Variants in SLC29A4 observed in about 807,000 individuals in gnomAD.
The protein encoded by SLC29A4 is equilibrative nucleoside transporter 4.
A neutral mutation model predicts 43.9 loss-of-function variants in SLC29A4; 36 were observed. The ratio of observed to expected loss-of-function variants is 0.82; its 90% confidence interval spans 0.63 to 1.08. The LOEUF is 1.08. Among genes scored for constraint, SLC29A4 ranks in the 50% least tolerant of loss-of-function variants. The probability of loss-of-function intolerance (pLI) is 0.00; values close to 1 mark genes in which losing one functional copy is unlikely to be tolerated. For missense variants in SLC29A4, 869 were observed against 755.3 expected (o/e 1.15, Z -1.77); for synonymous variants, 491 against 338.0 (o/e 1.45, Z -4.97).
Position 5,297,049 on chromosome 7 carries a change from T to C in SLC29A4, c.733T>C (p.Cys245Arg). The C allele has an allele frequency of 6.2e-7, 1 of 1,607,484 alleles. No individual in the cohort carries two copies. The highest frequency in any genetic ancestry group is 8.5e-7 in the Non-Finnish European group (1 of 1,179,724). ...GGTGTCGGTGGCGCTGGAGCTGCTG[T>C]GTTTCCTGCTGCACCTGTTAGTGCG... ...FLVSVALELL[C>R]FLLHLLVRRS... The change falls in exon 7 of 11, where the codon TGT becomes CGT. Residue 245 changes from cysteine to arginine, a missense_variant. Transcript: ENST00000396872.
chr7:5,299,027 A>G lies in SLC29A4; in HGVS notation c.922A>G (p.Lys308Glu), dbSNP rs751485714. The change falls in exon 8 of 11, where the codon AAG (lysine) becomes GAG (glutamate). Residue 308 changes from lysine (K) to glutamate (E), a missense_variant. By Grantham distance (56) the Lys-to-Glu change is moderately conservative (BLOSUM62 1). Coordinates refer to ENST00000396872, the MANE Select transcript of SLC29A4 (RefSeq NM_153247.4). Reference protein sequence around the residue: ...APALAPNESPKDSPAHEVTGS... With the variant: ...APALAPNESPEDSPAHEVTGS... ...GGCCCTGGCCCCCAACGAGTCCCCAAAGGACAGCCCAGCCCACGAGGTGAC... is the reference window on the plus strand; with the variant it reads ...GGCCCTGGCCCCCAACGAGTCCCCAGAGGACAGCCCAGCCCACGAGGTGAC... 2 of 1,611,708 alleles carry G rather than the reference A, an allele frequency of 1.2e-6. No individual in the cohort carries two copies. Among genetic ancestry groups the G allele is most frequent in the South Asian group, 2.2e-5 (2 of 91,036 alleles).
intron 1 of SLC29A4, among the ~76,000 whole-genome samples, chr7:5,284,874 G>A (rs751586502): frequency 2.6e-5 from 4 of 152,226 alleles, no homozygotes; most frequent in Non-Finnish European, 5.9e-5. Context: ...TGGCCTCCGG[G>A]CAAGGCAGAA....
intron 5 of SLC29A4, among the ~76,000 whole-genome samples, chr7:5,293,048 C>G (rs4720566): frequency 0.41 from 61,721 of 150,830 alleles, 13,278 homozygotes; most frequent in East Asian, 0.71. Context: ...AACATCCTCT[C>G]TAGATTCATA....
rs1009691499 is a variant in SLC29A4 at position 5,303,006 on chromosome 7, C to T, written c.*67C>T. ...GGGGCCCCGAGGCCTGAGGGCCCCT[C>T]CCCTGTCCCCACCTCAGTGCCTGCG... is the stretch of plus-strand genomic sequence containing the variant. On this transcript the variant is annotated 3_prime_UTR_variant, in exon 11 of 11. Coordinates refer to ENST00000396872, the MANE Select transcript of SLC29A4 (RefSeq NM_153247.4). 2.6e-6 allele frequency: 4 copies of T among 1,533,900 alleles called. No homozygotes were observed. The highest frequency in any genetic ancestry group is 2.3e-4 in the Middle Eastern group (1 of 4,324).
chr7:5,291,157 A>G lies in SLC29A4; in HGVS notation c.335A>G (p.Tyr112Cys). The change falls in exon 4 of 11, where the codon TAC becomes TGC. Residue 112 changes from tyrosine (Y) to cysteine (C), a missense_variant. Coordinates refer to ENST00000396872, the MANE Select transcript of SLC29A4 (RefSeq NM_153247.4). ...ATCGTGTTTGACATGAGCCTCACCT[A>G]CATCTTGGTGGCACTGGCAGCTGTC... ...TSIVFDMSLT[Y>C]ILVALAAVLL... 6.2e-7 allele frequency: 1 copy of G among 1,613,736 alleles called. No homozygotes were observed. Among genetic ancestry groups the G allele is most frequent in the South Asian group, 1.1e-5 (1 of 91,054 alleles).
intron 10 of SLC29A4, among the ~76,000 whole-genome samples, chr7:5,301,782 G>T (rs1474091572): frequency 6.6e-6 from 1 of 152,096 alleles, no homozygotes; most frequent in Non-Finnish European, 1.5e-5. Flanking sequence ...GGGGCTCCAG[G>T]TTTGGGGTCC....
In SLC29A4 at chr7:5,300,409, T is replaced by C. The variant is rs755255291; in HGVS notation, c.1210-13T>C. On this transcript the variant is annotated splice_polypyrimidine_tract_variant and intron_variant, in intron 9 of 10. Transcript: ENST00000396872. ...GGCCGGGACAGGGCGCCCACTTGCC[T>C]GGCTCTCTGCAGATCCTGGCAGCCC... 1.4e-5 allele frequency: 22 copies of C among 1,610,790 alleles called. No individual in the cohort carries two copies. The highest frequency in any genetic ancestry group is 1.7e-5 in the Non-Finnish European group (20 of 1,179,650).
chr7:5,299,076 G>T lies in SLC29A4; in HGVS notation c.971G>T (p.Arg324Leu), dbSNP rs767375431. The change falls in exon 8 of 11, where the codon CGC becomes CTC. Residue 324 changes from arginine to leucine, a missense_variant. Transcript: ENST00000396872. ...ACCGGCAGCGGCGGGGCCTACATGC[G>T]CTTTGATGTGCCGCGGCCAAGGGTC... The part of the protein sequence containing the change: ...EVTGSGGAYM[R>L]FDVPRPRVQR... 1 of 1,610,858 alleles carries T rather than the reference G, an allele frequency of 6.2e-7. No homozygotes were observed. Among genetic ancestry groups the T allele is most frequent in the South Asian group, 1.1e-5 (1 of 90,974 alleles).
At chr7:5,292,807 T>TCC (rs764219733) in intron 5 of SLC29A4, among the ~76,000 whole-genome samples, 4 of 145,442 alleles carry the variant, frequency 2.8e-5, no homozygotes, top group African/African-American at 5.1e-5. Context: ...CAAGTGATTC[T>TCC]CCTGTCTCAG....
intron 3 of SLC29A4, 106 bp from the exon 4 acceptor site, chr7:5,291,018 C>T: frequency 6.5e-7 from 1 of 1,533,806 alleles, no homozygotes; most frequent in Non-Finnish European, 8.9e-7. Context: ...AGGGCAGCCA[C>T]TCACCCTCTG....
At chr7:5,299,586 T>A (rs535898859) in intron 9 of SLC29A4, among the ~76,000 whole-genome samples, 159 bp downstream of exon 9, 1 of 152,274 alleles carries the variant, frequency 6.6e-6, no homozygotes, top group South Asian at 2.1e-4. Flanking sequence ...GACAGTGTCC[T>A]CTGGAGGGCG....
chr7:5,299,032 C>G lies in SLC29A4; in HGVS notation c.927C>G (p.Asp309Glu), dbSNP rs1308074349. ...TGGCCCCCAACGAGTCCCCAAAGGA[C>G]AGCCCAGCCCACGAGGTGACCGGCA... The part of the protein sequence containing the change: ...PALAPNESPK[D>E]SPAHEVTGSG... The change falls in exon 8 of 11, where the codon GAC (aspartate) becomes GAG (glutamate). Residue 309 changes from aspartate (D) to glutamate (E), a missense_variant. Physicochemically the swap from Asp to Glu is conservative, Grantham distance 45. Transcript: ENST00000396872. The G allele has an allele frequency of 3.1e-6, 5 of 1,611,822 alleles. No homozygotes were observed. The highest frequency in any genetic ancestry group is 1.7e-5 in the Admixed American group (1 of 59,986).
At chr7:5,301,631 C>T (rs1295076496) in intron 10 of SLC29A4, among the ~76,000 whole-genome samples, 1 of 152,210 alleles carries the variant, frequency 6.6e-6, no homozygotes, top group Non-Finnish European at 1.5e-5. Flanking sequence ...AGCTACTTCA[C>T]CAGTCCAGGC....
chr7:5,290,376 T>C (rs891129643), intron 2 of SLC29A4, among the ~76,000 whole-genome samples: 22 of 152,142 alleles, frequency 1.4e-4, no homozygotes, highest in African/African-American at 4.3e-4. Context: ...TTTTGTATTT[T>C]AGTAGAGATG....
chr7:5,298,891 G>C, intron 7 of SLC29A4, 97 bp from the exon 8 acceptor site: 1 of 1,388,770 alleles, frequency 7.2e-7, no homozygotes, highest in Non-Finnish European at 9.7e-7. Context: ...GTCAGCGCCA[G>C]CCCCAGTGCG....
rs760417200 is a variant in SLC29A4, at chr7:5,297,013, A to G, written c.697A>G (p.Ile233Val). Residue 233 changes from isoleucine to valine, a missense_variant, in exon 7 of 11, where the codon ATC becomes GTC. Transcript: ENST00000396872. ...LLPDERASTLIFFLVSVALEL... is the reference protein window; with the variant it reads ...LLPDERASTLVFFLVSVALEL... ...GCCCGACGAGCGCGCCAGCACGCTC[A>G]TCTTCTTCCTGGTGTCGGTGGCGCT... The G allele has an allele frequency of 6.2e-7, 1 of 1,604,952 alleles. No individual in the cohort carries two copies. The highest frequency in any genetic ancestry group is 8.5e-7 in the Non-Finnish European group (1 of 1,179,376).
intron 7 of SLC29A4, among the ~76,000 whole-genome samples, chr7:5,298,097 C>A (rs1249093807): frequency 6.6e-6 from 1 of 152,166 alleles, no homozygotes; most frequent in Non-Finnish European, 1.5e-5. Flanking sequence ...GGTCCTCGTT[C>A]CTGAGGGTCG....
At chr7:5,286,857 A>G (rs1784984178) in intron 1 of SLC29A4, among the ~76,000 whole-genome samples, 1 of 152,160 alleles carries the variant, frequency 6.6e-6, no homozygotes, top group South Asian at 2.1e-4. Flanking sequence ...CTGAAAAATG[A>G]GTGATAAAGG....
chr7:5,300,082 C>G (rs1786030213), intron 9 of SLC29A4, among the ~76,000 whole-genome samples: 1 of 151,892 alleles, frequency 6.6e-6, no homozygotes, highest in Non-Finnish European at 1.5e-5. Context: ...AAAAAAATCA[C>G]TCAGCCAGCC....
Sources: allele counts gnomAD v4.1 joint callset (sites outside exome capture counted in the v4.1 genomes callset), GRCh38; gene constraint gnomAD v4.1.1; transcripts MANE v1.5; gene names NCBI Gene and HGNC (gene_info 2026-07-23, HGNC 2026-07-21).